WNT9B: variants seen among roughly 807,000 people sequenced by gnomAD.
WNT9B encodes the protein protein Wnt-9b.
WNT9B carries 12 observed loss-of-function variants against 30.2 expected under a neutral mutation model. The observed-to-expected ratio is 0.40, with a 90% confidence interval of 0.26 to 0.64. WNT9B has a LOEUF of 0.64. Among genes scored for constraint, WNT9B ranks in the 30% least tolerant of loss-of-function variants. The pLI is 0.42. For synonymous variants in WNT9B, 218 were observed against 216.9 expected (o/e 1.01, Z -0.05); for missense variants, 442 against 485.2 (o/e 0.91, Z 0.84).
chr17:46,836,631 C>A (rs2084635765), intron 1 of WNT9B, among the ~76,000 whole-genome samples: 1 of 152,174 alleles, frequency 6.6e-6, no homozygotes, highest in Non-Finnish European at 1.5e-5. Context: ...CTCTCACTTG[C>A]TAAATATGCC....
At position 46,875,224 on chromosome 17, in the gene WNT9B, G is replaced by A; in HGVS notation, c.458G>A (p.Ser153Asn). 6.2e-7 allele frequency: 1 copy of A among 1,614,222 alleles called. No homozygotes were observed. Among genetic ancestry groups the A allele is most frequent in the Non-Finnish European group, 8.5e-7 (1 of 1,180,042 alleles). ...TGTGATGACTCTCCGGGGCTGGAGA[G>A]CCGGCAGGCCTGGCAGTGGGGCGTG... ...CTCDDSPGLE[S>N]RQAWQWGVCG... Residue 153 changes from serine (S) to asparagine (N), a missense_variant, in exon 3 of 4, where the codon AGC becomes AAC. Transcript: ENST00000290015.
downstream of WNT9B, among the ~76,000 whole-genome samples, chr17:46,881,646 G>A (rs1014010354): frequency 1.2e-4 from 18 of 152,034 alleles, no homozygotes; most frequent in African/African-American, 3.4e-4. Flanking sequence ...AAACAGGCCC[G>A]CAGACCCCTC....
At position 46,879,380 on chromosome 17, in the gene WNT9B, C is replaced by G. The variant is rs2085393427; in HGVS notation, c.*2662C>G. On this transcript the variant is annotated 3_prime_UTR_variant, in exon 4 of 4. Transcript: ENST00000290015. ...TGAGCCCTGGTGGGCTCCATCCAGA[C>G]CCTCCTTGTGATGTTTTTGTAGATT... Among the ~76,000 whole-genome samples, 1 of 152,222 alleles carries G rather than the reference C, an allele frequency of 6.6e-6. No individual in the cohort carries two copies. Among genetic ancestry groups the G allele is most frequent in the Non-Finnish European group, 1.5e-5 (1 of 68,042 alleles).
chr17:46,869,642 T>C (rs1251940722), intron 1 of WNT9B, among the ~76,000 whole-genome samples: 1 of 152,232 alleles, frequency 6.6e-6, no homozygotes, highest in Non-Finnish European at 1.5e-5. Context: ...TCAAGGATGA[T>C]GCATTTAGTT....
Position 46,876,328 on chromosome 17 carries a change from C to T in WNT9B, c.684C>T (p.Leu228=). 1 of 1,614,182 alleles carries T rather than the reference C, an allele frequency of 6.2e-7. No individual in the cohort carries two copies. ...SCAVRTCWKQ[L]SPFRETGQVL... ...CCGTGCGCACCTGCTGGAAGCAGCT[C>T]TCCCCGTTCCGTGAGACGGGCCAGG... Residue 228 remains leucine (L), a synonymous_variant, in exon 4 of 4, where the codon CTC becomes CTT. Transcript: ENST00000290015.
chr17:46,867,675 C>A (rs1327607618), intron 1 of WNT9B, among the ~76,000 whole-genome samples: 2 of 152,202 alleles, frequency 1.3e-5, no homozygotes, highest in Admixed American at 6.5e-5. Flanking sequence ...CCCAGCGGGG[C>A]AGCTTTAGCC....
downstream of WNT9B, among the ~76,000 whole-genome samples, chr17:46,883,942 C>A (rs1056019921): frequency 6.6e-6 from 1 of 152,204 alleles, no homozygotes; most frequent in Non-Finnish European, 1.5e-5. Context: ...TCTCTTGGGC[C>A]CATTAGTGTG....
intron 1 of WNT9B, among the ~76,000 whole-genome samples, chr17:46,843,473 T>C (rs1166181435): frequency 6.6e-6 from 1 of 152,220 alleles, no homozygotes; most frequent in Non-Finnish European, 1.5e-5. Flanking sequence ...AGCTCAAACA[T>C]TGCTGCATCT....
At chr17:46,840,001 T>TTTCTC (rs1165426211) in intron 1 of WNT9B, among the ~76,000 whole-genome samples, 11 of 4,016 alleles carry the variant, frequency 2.7e-3, no homozygotes, top group African/African-American at 9.6e-3. Context: ...TTTTTCTTTC[T>TTTCTC]TCTTTCTTTC....
At chr17:46,874,630 T>A (rs918676508) in intron 2 of WNT9B, among the ~76,000 whole-genome samples, 2 of 152,072 alleles carry the variant, frequency 1.3e-5, no homozygotes, top group Admixed American at 6.6e-5. Context: ...CAGGCTGGAG[T>A]GCAATGGCGC....
chr17:46,841,247 C>T (rs1170603902), intron 1 of WNT9B, among the ~76,000 whole-genome samples: 2 of 152,172 alleles, frequency 1.3e-5, no homozygotes, highest in African/African-American at 4.8e-5. Flanking sequence ...TATTTACAGT[C>T]GGAGAAACGG....
At chr17:46,861,625 T>C (rs2085039453) in intron 1 of WNT9B, among the ~76,000 whole-genome samples, 1 of 152,146 alleles carries the variant, frequency 6.6e-6, no homozygotes, top group African/African-American at 2.4e-5. Context: ...GGCATGCTGG[T>C]AGCAGCAGAC....
chr17:46,851,645 C>T lies in WNT9B; in HGVS notation c.7C>T (p.Pro3Ser). Reference protein sequence around the residue: MRPPPALALAGLC... With the variant: MRSPPALALAGLC... ...GCGCAGCGCCGCCAGCACCATGCGC[C>T]CCCCGCCCGCGCTGGCCCTGGCCGG... is the stretch of plus-strand genomic sequence containing the variant. Residue 3 changes from proline to serine, a missense_variant, in exon 1 of 4, where the codon CCC (proline) becomes TCC (serine). Pro to Ser is a moderately conservative substitution (Grantham distance 74). Coordinates refer to ENST00000290015, the MANE Select transcript of WNT9B (RefSeq NM_003396.3). The surrounding 1 kb of genome is among the most constrained non-coding windows in gnomAD (Gnocchi z 4.3). 3 of 1,280,140 alleles carry T rather than the reference C, an allele frequency of 2.3e-6. No homozygotes were observed. The highest frequency in any genetic ancestry group is 2.9e-6 in the Non-Finnish European group (3 of 1,018,124). 79.3% of individuals were successfully genotyped at this position (1,280,140 alleles called of 1,614,324 possible).
chr17:46,859,223 G>A (rs1426421373), intron 1 of WNT9B, among the ~76,000 whole-genome samples: 1 of 152,052 alleles, frequency 6.6e-6, no homozygotes, highest in Non-Finnish European at 1.5e-5. Flanking sequence ...TGATCCACCT[G>A]CCTCGGCCTC....
chr17:46,849,484 AC>A (rs1455581844), upstream of WNT9B, among the ~76,000 whole-genome samples: 1 of 152,048 alleles, frequency 6.6e-6, no homozygotes, highest in Non-Finnish European at 1.5e-5. Context: ...TCTGTCTGCC[AC>A]CCCAGTCCAT....
chr17:46,871,411 T>G (rs2085241709), intron 1 of WNT9B, among the ~76,000 whole-genome samples: 1 of 152,212 alleles, frequency 6.6e-6, no homozygotes, highest in Non-Finnish European at 1.5e-5. Flanking sequence ...ATTCCCACCC[T>G]GCTGCTGATC....
intron 1 of WNT9B, among the ~76,000 whole-genome samples, chr17:46,840,012 T>TCTCTTTCTTTTTTCTTTC (rs2084691160): frequency 3.1e-5 from 3 of 96,744 alleles, no homozygotes; most frequent in African/African-American, 1.3e-4. Context: ...TCTTTCTTTC[T>TCTCTTTCTTTTTTCTTTC]TTCTTTCTTT....
chr17:46,833,302 A>T (rs2084579452), exon 1 of WNT9B: 1 of 500,654 alleles, frequency 2.0e-6, no homozygotes, highest in African/African-American at 1.9e-5. Flanking sequence ...CTAACGTCCC[A>T]CTGAAAGCAA....
At position 46,862,760 on chromosome 17, in the gene WNT9B, C is replaced by T. The variant is rs139595189; in HGVS notation, c.78-9757C>T. ...ACCACACCTGGCTAATTTTTTGTATCTTTAGTAGAGATGGGGTTTTACCAT... is the reference window on the plus strand; with the variant it reads ...ACCACACCTGGCTAATTTTTTGTATTTTTAGTAGAGATGGGGTTTTACCAT... On this transcript the variant is annotated intron_variant, in intron 1 of 3. Coordinates refer to ENST00000290015, the MANE Select transcript of WNT9B (RefSeq NM_003396.3). Among the ~76,000 whole-genome samples the T allele has an allele frequency of 2.7e-4, 41 of 152,070 alleles. No individual in the cohort carries two copies. The East Asian group carries it at 7.7e-3, about 29-fold the overall frequency.
Sources: gnomAD v4.1 joint callset for allele counts (sites outside exome capture counted in the v4.1 genomes callset) on GRCh38, gnomAD v4.1.1 for gene constraint, Gnocchi (gnomAD v3.1) non-coding constraint, MANE v1.5 for transcripts, NCBI Gene and HGNC (gene_info 2026-07-23, HGNC 2026-07-21) for gene names.